The following GNL2 variants were observed in gnomAD, a reference collection of about 807,000 sequenced individuals.
GNL2 encodes the protein nucleolar GTP-binding protein 2.
GNL2 carries 51 observed loss-of-function variants against 92.3 expected under a neutral mutation model. That is an observed-to-expected ratio of 0.55 (90% CI 0.44 to 0.70). GNL2 has a LOEUF of 0.70. Among genes scored for constraint, GNL2 ranks in the 30% least tolerant of loss-of-function variants. The pLI is 0.00. For missense variants in GNL2, 844 were observed against 895.6 expected, an observed-to-expected ratio of 0.94 and a Z score of 0.74; for synonymous variants, 283 against 300.6, an observed-to-expected ratio of 0.94 and a Z score of 0.61.
chr1:37,573,392 G>T (rs990197430), intron 12 of GNL2, among the ~76,000 whole-genome samples: 6 of 152,236 alleles, frequency 3.9e-5, no homozygotes. Context: ...TCTGAAAAAG[G>T]TCCTAGAACC....
chr1:37,571,138 G>T (rs1643587767), intron 12 of GNL2, among the ~76,000 whole-genome samples: 1 of 152,180 alleles, frequency 6.6e-6, no homozygotes, highest in Non-Finnish European at 1.5e-5. Flanking sequence ...CACAGAGTAA[G>T]GCATATGAGA....
intron 13 of GNL2, 71 bp from the exon 14 acceptor site, chr1:37,568,428 G>GA: frequency 1.0e-6 from 1 of 960,920 alleles, no homozygotes; most frequent in Non-Finnish European, 1.7e-6. Flanking sequence ...GGAGACCTGC[G>GA]ACAAACTCAC....
In GNL2 at chr1:37,595,815, T is replaced by A; in HGVS notation, c.8A>T (p.Lys3Met). The stretch of plus-strand genomic sequence containing the variant: ...GGTGCTCCGTCCTTTGTACTTGGGC[T>A]TCACCATCTTGGCGACGAGACCGGG... MV[K>M]PKYKGRSTIN... Residue 3 changes from lysine (K) to methionine (M), a missense_variant, in exon 1 of 16, where the codon AAG becomes ATG. By Grantham distance (95) the Lys-to-Met change is moderately conservative. Transcript: ENST00000373062. 6 of 1,614,196 alleles carry A rather than the reference T, an allele frequency of 3.7e-6. No homozygotes were observed. Among genetic ancestry groups the A allele is most frequent in the Non-Finnish European group, 5.1e-6 (6 of 1,179,994 alleles).
chr1:37,571,927 GAC>G (rs1643600266), intron 12 of GNL2, among the ~76,000 whole-genome samples: 1 of 151,892 alleles, frequency 6.6e-6, no homozygotes, highest in Admixed American at 6.6e-5. Flanking sequence ...TTCCCACCAT[GAC>G]ACCCTCTCCT....
intron 8 of GNL2, among the ~76,000 whole-genome samples, 180 bp from the exon 9 acceptor site, chr1:37,576,736 A>G (rs1643684742): frequency 6.6e-6 from 1 of 152,258 alleles, no homozygotes; most frequent in Non-Finnish European, 1.5e-5. Context: ...ATGCTTATTA[A>G]TAAATCAGAG....
chr1:37,568,290 C>T lies in GNL2; in HGVS notation c.1936G>A (p.Asp646Asn). 1 of 1,597,314 alleles carries T rather than the reference C, an allele frequency of 6.3e-7. No homozygotes were observed. Among genetic ancestry groups the T allele is most frequent in the South Asian group, 1.1e-5 (1 of 90,782 alleles). Residue 646 changes from aspartate to asparagine, a missense_variant, in exon 14 of 16, where the codon GAT (aspartate) becomes AAT (asparagine). Coordinates refer to ENST00000373062, the MANE Select transcript of GNL2 (RefSeq NM_013285.3). ...TTAACTTCACCTCTGTCATCTACAT[C>T]TTCTTCCAGTGTTTTTCTTTGTTCT... ...PEEQRKTLEEDVDDRAPSKKG... is the reference protein window; with the variant it reads ...PEEQRKTLEENVDDRAPSKKG...
chr1:37,568,082 T>A, intron 14 of GNL2, 193 bp downstream of exon 14: 1 of 597,292 alleles, frequency 1.7e-6, no homozygotes, highest in South Asian at 2.1e-5. Flanking sequence ...GAATTGCCAA[T>A]TTAATCCTAA....
intron 1 of GNL2, 82 bp from the exon 2 acceptor site, chr1:37,593,928 T>C (rs1417785781): frequency 3.0e-6 from 3 of 990,282 alleles, no homozygotes; most frequent in East Asian, 2.6e-5. Context: ...ATGCAACAAG[T>C]AGTTCACCCA....
At chr1:37,589,611 A>G (rs1298271693) in intron 4 of GNL2, among the ~76,000 whole-genome samples, 1 of 152,138 alleles carries the variant, frequency 6.6e-6, no homozygotes, top group Admixed American at 6.5e-5. Flanking sequence ...AGCCTGAACT[A>G]TTTAACCCAC....
At chr1:37,581,386 G>A (rs761823210) in intron 8 of GNL2, 13 of 455,918 alleles carry the variant, frequency 2.9e-5, no homozygotes, top group South Asian at 6.2e-5. Flanking sequence ...CTGGTTCCAC[G>A]GCTTCCCTCA....
At chr1:37,585,151 C>T (rs1392590367) in intron 5 of GNL2, among the ~76,000 whole-genome samples, 1 of 151,028 alleles carries the variant, frequency 6.6e-6, no homozygotes, top group African/African-American at 2.4e-5. Flanking sequence ...CTCCGCCTCC[C>T]GGGTTTAAGC....
At position 37,574,348 on chromosome 1, in the gene GNL2, G is replaced by T. The variant is rs1238587637; in HGVS notation, c.1411C>A (p.Pro471Thr). The stretch of plus-strand genomic sequence containing the variant: ...TGGGCCCACCCTGCTCTTACCTGGG[G>T]GGCCACAAGTGGCTCTGCATTGGGT... The part of the protein sequence containing the change: ...KPPNAEPLVA[P>T]QLLPSSSLEV... The change falls in exon 12 of 16, where the codon CCC (proline) becomes ACC (threonine). Residue 471 changes from proline (P) to threonine (T), a missense_variant. Transcript: ENST00000373062. The T allele has an allele frequency of 6.2e-7, 1 of 1,612,386 alleles. No individual in the cohort carries two copies. The highest frequency in any genetic ancestry group is 1.3e-5 in the African/African-American group (1 of 74,906).
rs1271606959 is a variant in GNL2 at position 37,569,024 on chromosome 1, T to A, written c.1695A>T (p.Glu565Asp). The stretch of plus-strand genomic sequence containing the variant: ...TTTGTTGCTCCTGTTCCTCCTCCTC[T>A]TCATCAGAAAAGCTCTCAAGCTCTT... ...LEEELESFSD[E>D]EEEEQEQQRD... The change falls in exon 13 of 16, where the codon GAA becomes GAT. Residue 565 changes from glutamate to aspartate, a missense_variant. Physicochemically the swap from Glu to Asp is conservative, Grantham distance 45. Transcript: ENST00000373062. 6.2e-7 allele frequency: 1 copy of A among 1,613,272 alleles called. No homozygotes were observed. Among genetic ancestry groups the A allele is most frequent in the East Asian group, 2.2e-5 (1 of 44,884 alleles).
intron 8 of GNL2, among the ~76,000 whole-genome samples, chr1:37,581,995 C>T (rs187668678): frequency 1.8e-4 from 28 of 152,144 alleles, no homozygotes; most frequent in African/African-American, 6.7e-4. Flanking sequence ...GGGTTTTGCT[C>T]TGTTACCCAG....
At position 37,579,163 on chromosome 1, in the gene GNL2, A is replaced by G. The variant is rs950298007; in HGVS notation, c.910-2607T>C. ...TGAAATAAGATGTAAAAGGAGGCAGAGCAAATCAGAATTCAACAAGAGCTC... is the reference window on the plus strand; with the variant it reads ...TGAAATAAGATGTAAAAGGAGGCAGGGCAAATCAGAATTCAACAAGAGCTC... On this transcript the variant is annotated intron_variant, in intron 8 of 15. Transcript: ENST00000373062. Among the ~76,000 whole-genome samples the G allele has an allele frequency of 4.6e-5, 7 of 152,366 alleles. No homozygotes were observed. In the East Asian group the frequency reaches 9.6e-4, roughly 21 times the overall value.
intron 8 of GNL2, among the ~76,000 whole-genome samples, chr1:37,581,876 G>C (rs1643774405): frequency 1.3e-5 from 2 of 152,120 alleles, no homozygotes; most frequent in African/African-American, 2.4e-5. Flanking sequence ...TATTGGCCAG[G>C]CTGGTCTCAA....
At chr1:37,593,201 G>A (rs1423505003) in intron 2 of GNL2, among the ~76,000 whole-genome samples, 1 of 152,188 alleles carries the variant, frequency 6.6e-6, no homozygotes, top group East Asian at 1.9e-4. Context: ...CTGCAAAGTA[G>A]ATGACTACAC....
In GNL2 at chr1:37,593,872, C is replaced by T. The variant is rs770221994; in HGVS notation, c.65-26G>A. 16 of 1,547,630 alleles carry T rather than the reference C, an allele frequency of 1.0e-5. 1 individual carries two copies. Among genetic ancestry groups the T allele is most frequent in the Non-Finnish European group, 8.9e-7 (1 of 1,121,824 alleles). ...CTACAAAAGGCAGAAGTACACAGTG[C>T]ACTATTTGATAACCAACCAGTATAA... On this transcript the variant is annotated intron_variant, in intron 1 of 15. Transcript: ENST00000373062.
chr1:37,582,180 C>G, intron 8 of GNL2, 43 bp downstream of exon 8: 1 of 1,304,340 alleles, frequency 7.7e-7, no homozygotes, highest in Non-Finnish European at 1.1e-6. Context: ...TATACCAACT[C>G]ACAGCTACAC....
Sources: gnomAD v4.1 joint callset for allele counts (sites outside exome capture counted in the v4.1 genomes callset) on GRCh38, gnomAD v4.1.1 for gene constraint, MANE v1.5 for transcripts, NCBI Gene and HGNC (gene_info 2026-07-23, HGNC 2026-07-21) for gene names.